Variants in GRAMD4 observed in about 807,000 individuals in gnomAD.
GRAMD4 encodes GRAM domain-containing protein 4.
Under a neutral mutation model 83.9 loss-of-function variants are expected in GRAMD4, and 25 were observed. That is an observed-to-expected ratio of 0.30 (90% confidence interval 0.22 to 0.42). The LOEUF (loss-of-function observed/expected upper bound fraction) is 0.42, where lower values mean the gene tolerates loss of function less well. GRAMD4 is among the 10% of genes least tolerant of loss of function. The pLI is 1.00. For synonymous variants in GRAMD4, 336 were observed against 320.9 expected, an observed-to-expected ratio of 1.05 and a Z score of -0.50; for missense variants, 593 against 788.7, an observed-to-expected ratio of 0.75 and a Z score of 2.97.
At chr22:46,627,133 G>A (rs1050677504) in intron 2 of GRAMD4, among the ~76,000 whole-genome samples, 172 bp downstream of exon 2, 7 of 152,196 alleles carry the variant, frequency 4.6e-5, no homozygotes, top group East Asian at 1.9e-4. Context: ...TTGTGGGGCC[G>A]GGGTGCTGCC....
intron 3 of GRAMD4, among the ~76,000 whole-genome samples, chr22:46,656,715 T>A (rs909167520): frequency 6.6e-6 from 1 of 152,258 alleles, no homozygotes; most frequent in Non-Finnish European, 1.5e-5. Flanking sequence ...GTCTGGCTGC[T>A]GGCCCTGCCC....
At chr22:46,625,392 C>T (rs1415837129) in intron 1 of GRAMD4, among the ~76,000 whole-genome samples, 1 of 152,248 alleles carries the variant, frequency 6.6e-6, no homozygotes, top group African/African-American at 2.4e-5. Context: ...GGAGCTGGAG[C>T]TGACCTTGCT....
intron 1 of GRAMD4, among the ~76,000 whole-genome samples, chr22:46,595,389 T>C (rs2081251949): frequency 6.6e-6 from 1 of 152,214 alleles, no homozygotes; most frequent in Non-Finnish European, 1.5e-5. Context: ...ATCTCCCTTT[T>C]ATGCCACAAA....
In GRAMD4 at chr22:46,672,789, G is replaced by A; in HGVS notation, c.1085-54G>A. On this transcript the variant is annotated intron_variant, in intron 13 of 18. Coordinates refer to ENST00000406902, the MANE Select transcript of GRAMD4 (RefSeq NM_015124.5). The surrounding 1 kb of genome is among the most constrained non-coding windows in gnomAD (Gnocchi z 4.7). ...GGTGCCGGAACCATCACCCTGAGTA[G>A]ACTGGCATAGCTGCAGAGCTCTAGA... 6.9e-7 allele frequency: 1 copy of A among 1,454,106 alleles called. No homozygotes were observed. The highest frequency in any genetic ancestry group is 1.2e-5 in the South Asian group (1 of 82,598). 90.1% of individuals were successfully genotyped at this position (1,454,106 alleles called of 1,614,324 possible).
chr22:46,656,585 A>C (rs965617929), intron 3 of GRAMD4, among the ~76,000 whole-genome samples: 1 of 152,092 alleles, frequency 6.6e-6, no homozygotes, highest in African/African-American at 2.4e-5. Flanking sequence ...CCAGGACAGG[A>C]AAGGAAGCTA....
chr22:46,593,088 C>A (rs2081226290), intron 1 of GRAMD4, among the ~76,000 whole-genome samples: 1 of 152,144 alleles, frequency 6.6e-6, no homozygotes, highest in African/African-American at 2.4e-5. Context: ...TTCTCAAATA[C>A]TTGAGAGTAA....
intron 3 of GRAMD4, among the ~76,000 whole-genome samples, chr22:46,652,199 GCA>G (rs1388357547): frequency 3.3e-5 from 5 of 152,144 alleles, no homozygotes; most frequent in African/African-American, 1.2e-4. Context: ...ATCTGGGGGC[GCA>G]CAGTCACCAC....
intron 2 of GRAMD4, among the ~76,000 whole-genome samples, chr22:46,628,185 G>A (rs1026424119): frequency 6.6e-6 from 1 of 152,194 alleles, no homozygotes; most frequent in African/African-American, 2.4e-5. Flanking sequence ...GGGTGACGGG[G>A]ATTCCACGCA....
chr22:46,680,581 T>C (rs62232564), downstream of GRAMD4, among the ~76,000 whole-genome samples: 32 of 15,382 alleles, frequency 2.1e-3, no homozygotes, highest in East Asian at 5.3e-3. Context: ...CATCCATCCA[T>C]CCATCCATCC....
chr22:46,598,574 C>T (rs2081283641), intron 1 of GRAMD4, among the ~76,000 whole-genome samples: 1 of 151,646 alleles, frequency 6.6e-6, no homozygotes, highest in Non-Finnish European at 1.5e-5. Context: ...TTGCTGACTG[C>T]CGGCTCCTGG....
At chr22:46,664,504 C>T (rs574182547) in intron 8 of GRAMD4, among the ~76,000 whole-genome samples, 4 of 152,220 alleles carry the variant, frequency 2.6e-5, no homozygotes, top group South Asian at 4.1e-4. Flanking sequence ...CATGGCAGCA[C>T]GAGGGGCCCA....
At position 46,626,957 on chromosome 22, in the gene GRAMD4, A is replaced by G. The variant is rs761930388; in HGVS notation, c.158A>G (p.Asp53Gly). ...CCCCGGGACAGCGAGGAGCTGAGGG[A>G]CCCTGTGAGTACCTGTCCTCGTCCC... ...TSPRDSEELR[D>G]PAGPGTLIMA... The change falls in exon 2 of 19, where the codon GAC (aspartate) becomes GGC (glycine). Residue 53 changes from aspartate (D) to glycine (G), a missense_variant. Around this residue, in one of 4 missense-constraint regions of GRAMD4, gnomAD observed 312 missense variants for 350.7 expected, o/e 0.89. Transcript: ENST00000406902. 6.2e-7 allele frequency: 1 copy of G among 1,610,990 alleles called. No homozygotes were observed. Among genetic ancestry groups the G allele is most frequent in the South Asian group, 1.1e-5 (1 of 90,990 alleles).
At chr22:46,601,535 G>A (rs1444577831) in intron 1 of GRAMD4, among the ~76,000 whole-genome samples, 7 of 151,762 alleles carry the variant, frequency 4.6e-5, no homozygotes, top group South Asian at 2.1e-4. Context: ...AGTGGCTCAC[G>A]CCTGTAATCT....
rs980870960 is a variant in GRAMD4 at position 46,620,394 on chromosome 22, C to T, written c.-221C>T. ...TGCTGCCCTGCTCTGGTGCACAGGA[C>T]TGGAGTCCTCCAGGCTCCAGGGCAG... On this transcript the variant is annotated 5_prime_UTR_variant, in exon 1 of 19. Transcript: ENST00000406902. The surrounding 1 kb of genome is among the most constrained non-coding windows in gnomAD (Gnocchi z 4.7). 1.0e-6 allele frequency: 1 copy of T among 985,254 alleles called. No homozygotes were observed. Among genetic ancestry groups the T allele is most frequent in the African/African-American group, 1.7e-5 (1 of 57,190 alleles). 61.0% of individuals were successfully genotyped at this position (985,254 alleles called of 1,614,324 possible). A position where few individuals can be genotyped will look rare whatever the true frequency, so the allele number is the denominator to read the frequency against.
intron 3 of GRAMD4, among the ~76,000 whole-genome samples, chr22:46,656,031 G>A (rs577106217): frequency 7.2e-5 from 11 of 152,216 alleles, no homozygotes; most frequent in Admixed American, 2.6e-4. Context: ...TGGGCAGCCC[G>A]CAGGGACAGG....
At chr22:46,651,058 G>C (rs1039236756) in intron 3 of GRAMD4, among the ~76,000 whole-genome samples, 2 of 152,218 alleles carry the variant, frequency 1.3e-5, no homozygotes, top group African/African-American at 2.4e-5. Context: ...TGGTTTCCCT[G>C]TGTGCCACGT....
At chr22:46,630,214 C>T (rs963186499) in intron 2 of GRAMD4, among the ~76,000 whole-genome samples, 12 of 151,998 alleles carry the variant, frequency 7.9e-5, no homozygotes, top group African/African-American at 2.2e-4. Context: ...TTATTAGAGA[C>T]GGGGTTTCGC....
downstream of GRAMD4, among the ~76,000 whole-genome samples, chr22:46,681,366 C>T (rs2082670308): frequency 6.6e-6 from 1 of 152,272 alleles, no homozygotes; most frequent in Admixed American, 6.5e-5. Flanking sequence ...CATTTAGTGT[C>T]AATAAAGGTG....
chr22:46,663,060 T>C lies in GRAMD4; in HGVS notation c.487T>C (p.Ser163Pro), dbSNP rs2082353012. ...TGCAGAGCGCCGGAGCCAGGGGCTGTCCTCGCGCCTGCAGAAGTGGTTCTA... is the reference window on the plus strand; with the variant it reads ...TGCAGAGCGCCGGAGCCAGGGGCTGCCCTCGCGCCTGCAGAAGTGGTTCTA... Reference protein sequence around the residue: ...NGAERRSQGLSSRLQKWFYER... With the variant: ...NGAERRSQGLPSRLQKWFYER... The change falls in exon 6 of 19, where the codon TCC becomes CCC. Residue 163 changes from serine to proline, a missense_variant. Ser to Pro is a moderately conservative substitution (Grantham distance 74). This residue lies in a region of GRAMD4 where 312 missense variants were observed against 350.7 expected (regional missense o/e 0.89). Coordinates refer to ENST00000406902, the MANE Select transcript of GRAMD4 (RefSeq NM_015124.5). 2 of 1,611,418 alleles carry C rather than the reference T, an allele frequency of 1.2e-6. No individual in the cohort carries two copies. Among genetic ancestry groups the C allele is most frequent in the East Asian group, 4.5e-5 (2 of 44,830 alleles).
Sources: gnomAD v4.1 joint callset for allele counts (sites outside exome capture counted in the v4.1 genomes callset) on GRCh38, gnomAD v4.1.1 for gene constraint, gnomAD v4.1.1 regional missense constraint, Gnocchi (gnomAD v3.1) non-coding constraint, MANE v1.5 for transcripts, NCBI Gene and HGNC (gene_info 2026-07-23, HGNC 2026-07-21) for gene names.